NF1: variants seen among roughly 807,000 people sequenced by gnomAD.
NF1 encodes neurofibromin.
NF1 carries 122 observed loss-of-function variants against 325.7 expected under a neutral mutation model. The observed-to-expected ratio is 0.37, with a 90% confidence interval of 0.32 to 0.44. The LOEUF (loss-of-function observed/expected upper bound fraction) is 0.44. Among genes scored for constraint, NF1 ranks in the 20% least tolerant of loss-of-function variants. NF1 has a pLI of 1.00. For synonymous variants in NF1, 1,091 were observed against 1,186.0 expected (o/e 0.92, Z 1.65); for missense variants, 2,140 against 3,415.4 (o/e 0.63, Z 9.31).
At chr17:31,359,678 T>G (rs2070356118) in intron 56 of NF1, 1 of 154,690 alleles carries the variant, frequency 6.5e-6, no homozygotes, top group Admixed American at 6.4e-5. Flanking sequence ...CAGGATGGTC[T>G]TGATCTCTTG....
In NF1 at chr17:31,249,083, C is replaced by G. The variant is rs757398594; in HGVS notation, c.4074C>G (p.Pro1358=). ...TCATCAGTTCCTCCTCAGAATTCCC[C>G]CCTCAACTTCGAAGTGTGTGCCACT... is the stretch of plus-strand genomic sequence containing the variant. The part of the protein sequence containing the change: ...HAIISSSSEF[P]PQLRSVCHCL... Residue 1358 remains proline, a synonymous_variant, in exon 30 of 58, where the codon CCC becomes CCG. Transcript: ENST00000358273. 3 of 1,614,068 alleles carry G rather than the reference C, an allele frequency of 1.9e-6. No homozygotes were observed. Among genetic ancestry groups the G allele is most frequent in the Non-Finnish European group, 1.7e-6 (2 of 1,179,992 alleles).
chr17:31,194,011 A>G (rs1172121592), intron 8 of NF1, among the ~76,000 whole-genome samples: 2 of 152,206 alleles, frequency 1.3e-5, no homozygotes, highest in African/African-American at 2.4e-5. Flanking sequence ...TAGAACTACC[A>G]TGTGATCCAA....
At chr17:31,253,255 A>C (rs532786708) in intron 31 of NF1, 1 of 409,226 alleles carries the variant, frequency 2.4e-6, no homozygotes, top group African/African-American at 2.0e-5. Flanking sequence ...TCCTTGGTCT[A>C]ATTTTATTAT....
In NF1 at chr17:31,252,020, A is replaced by T. The variant is rs1442506283; in HGVS notation, c.4111-918A>T. The T allele has an allele frequency of 4.6e-5, 10 of 216,290 alleles. No homozygotes were observed. In the East Asian group the frequency reaches 6.1e-4, roughly 13 times the overall value. The allele number at this position is 216,290 out of a possible 1,614,324, so 13.4% of individuals were successfully genotyped here. On this transcript the variant is annotated intron_variant, in intron 30 of 57. Transcript: ENST00000358273. The stretch of plus-strand genomic sequence containing the variant: ...ATAATTATTCTGCCTAGGCTAGTCC[A>T]ATCAAGAGTCTTTTAATTTTGAAAG...
Position 31,356,501 on chromosome 17 carries a change from G to T in NF1, c.7657G>T (p.Ala2553Ser), listed in dbSNP as rs1555536644. The T allele has an allele frequency of 1.2e-6, 2 of 1,613,702 alleles. No homozygotes were observed. Among genetic ancestry groups the T allele is most frequent in the Non-Finnish European group, 1.7e-6 (2 of 1,179,788 alleles). ...TGATCACTTGATATCAGACACAAAG[G>T]CTCCTAAAAGGCAAGAAATGGAATC... ...SFDHLISDTK[A>S]PKRQEMESGI... The change falls in exon 52 of 58, where the codon GCT becomes TCT. Residue 2553 changes from alanine to serine, a missense_variant. By Grantham distance (99) the Ala-to-Ser change is moderately conservative. Coordinates refer to ENST00000358273, the MANE Select transcript of NF1 (RefSeq NM_001042492.3).
At chr17:31,232,310 AT>A in intron 25 of NF1, 121 bp downstream of exon 25, 1 of 705,934 alleles carries the variant, frequency 1.4e-6, no homozygotes, top group Non-Finnish European at 2.5e-6. Context: ...GTGTTTTGTG[AT>A]TTTTTTAAAG....
At chr17:31,265,804 A>G (rs537573538) in intron 36 of NF1, among the ~76,000 whole-genome samples, 10 of 152,296 alleles carry the variant, frequency 6.6e-5, no homozygotes, top group South Asian at 2.1e-4. Flanking sequence ...AAAAATCTCT[A>G]TGAAGATGGT....
chr17:31,177,227 G>A (rs1038814084), intron 5 of NF1, among the ~76,000 whole-genome samples: 4 of 152,268 alleles, frequency 2.6e-5, no homozygotes, highest in Admixed American at 6.5e-5. Flanking sequence ...GTAGGAACAC[G>A]CAGCAATCTT....
chr17:31,139,239 G>A (rs1341298107), intron 1 of NF1, among the ~76,000 whole-genome samples: 2 of 152,032 alleles, frequency 1.3e-5, no homozygotes, highest in South Asian at 2.1e-4. Context: ...GTAGAGATGA[G>A]GTTTCACCAT....
chr17:31,287,964 G>T (rs577704748), intron 36 of NF1, among the ~76,000 whole-genome samples: 47 of 150,130 alleles, frequency 3.1e-4, no homozygotes, highest in African/African-American at 1.1e-3. Flanking sequence ...ATAGCATTGG[G>T]AGATATACCT....
intron 1 of NF1, among the ~76,000 whole-genome samples, chr17:31,116,782 C>G (rs1259349190): frequency 2.6e-5 from 4 of 151,788 alleles, no homozygotes; most frequent in Non-Finnish European, 5.9e-5. Context: ...ATTCTCCTGC[C>G]TCAGCCTCCC....
chr17:31,094,995 T>C lies in NF1; in HGVS notation c.-315T>C, dbSNP rs926057051. On this transcript the variant is annotated 5_prime_UTR_variant, in exon 1 of 58. An upstream start codon of the reference 5' UTR is lost. Coordinates refer to ENST00000358273, the MANE Select transcript of NF1 (RefSeq NM_001042492.3). ...GGATCCCACTTCCGGTGGGGTGTCA[T>C]GGCGGCGTCTCGGACTGTGATGGCT... 1.8e-6 allele frequency: 1 copy of C among 541,126 alleles called. No homozygotes were observed. Among genetic ancestry groups the C allele is most frequent in the South Asian group, 2.3e-5 (1 of 43,460 alleles). The allele number at this position is 541,126 out of a possible 1,614,324, so 33.5% of individuals were successfully genotyped here. A position where few individuals can be genotyped will look rare whatever the true frequency, so the allele number is the denominator to read the frequency against.
At chr17:31,257,747 GGAAGCTGT>G (rs1347246624) in intron 31 of NF1, 1 of 152,026 alleles carries the variant, frequency 6.6e-6, no homozygotes, top group African/African-American at 2.4e-5. Flanking sequence ...GTATTATAAA[GGAAGCTGT>G]GAAGAAAAGG....
At chr17:31,130,103 A>G (rs940680524) in intron 1 of NF1, among the ~76,000 whole-genome samples, 3 of 116,744 alleles carry the variant, frequency 2.6e-5, no homozygotes, top group African/African-American at 6.8e-5. Flanking sequence ...TTTTTATCCT[A>G]TATGATGACC....
At chr17:31,235,386 C>T (rs998441680) in intron 27 of NF1, among the ~76,000 whole-genome samples, 2 of 152,108 alleles carry the variant, frequency 1.3e-5, no homozygotes, top group African/African-American at 2.4e-5. Context: ...ATAGCTTTTA[C>T]CGGTTAATCC....
intron 36 of NF1, among the ~76,000 whole-genome samples, chr17:31,322,416 G>A (rs1250889838): frequency 6.9e-6 from 1 of 143,934 alleles, no homozygotes; most frequent in Admixed American, 7.5e-5. Flanking sequence ...GGACGTGGAG[G>A]CTGCAGAGAT....
intron 24 of NF1, among the ~76,000 whole-genome samples, chr17:31,231,607 C>T (rs989617876): frequency 5.9e-5 from 9 of 152,084 alleles, no homozygotes; most frequent in African/African-American, 1.9e-4. Context: ...TTTTAATTAT[C>T]TTCAGATTAC....
chr17:31,223,336 G>A (rs2066959388), intron 15 of NF1, 108 bp from the exon 16 acceptor site: 27 of 1,318,274 alleles, frequency 2.0e-5, no homozygotes, highest in Non-Finnish European at 2.8e-5. Context: ...GAAAAACTAA[G>A]CTTCTCTAAA....
chr17:31,202,587 A>G (rs1291109537), intron 11 of NF1, among the ~76,000 whole-genome samples: 3 of 152,092 alleles, frequency 2.0e-5, no homozygotes, highest in African/African-American at 7.2e-5. Flanking sequence ...GACCTTTAAG[A>G]TCGTCTGGCC....
Sources: gnomAD v4.1 joint callset for allele counts (sites outside exome capture counted in the v4.1 genomes callset) on GRCh38, gnomAD v4.1.1 for gene constraint, MANE v1.5 for transcripts, NCBI Gene and HGNC (gene_info 2026-07-23, HGNC 2026-07-21) for gene names.